The following SPRED2 variants were observed in gnomAD, a reference collection of about 807,000 sequenced individuals.
The protein encoded by SPRED2 is sprouty-related, EVH1 domain-containing protein 2.
A neutral mutation model predicts 43.0 loss-of-function variants in SPRED2; 47 were observed. The ratio of observed to expected loss-of-function variants is 1.09; its 90% CI spans 0.87 to 1.40. SPRED2 has a LOEUF of 1.40. Ranked by LOEUF, SPRED2 falls within the 40% of genes most tolerant of loss-of-function variation. The pLI is 0.00. For missense variants in SPRED2, 561 were observed against 586.4 expected (o/e 0.96, Z 0.45); for synonymous variants, 225 against 225.7 (o/e 1.00, Z 0.03).
chr2:65,418,597 G>C (rs954373627), intron 1 of SPRED2, among the ~76,000 whole-genome samples: 2 of 150,218 alleles, frequency 1.3e-5, no homozygotes, highest in Non-Finnish European at 3.0e-5. Context: ...TTTGTTGCCC[G>C]GGCTGGAGCA....
chr2:65,381,585 A>G (rs1046349900), intron 1 of SPRED2, among the ~76,000 whole-genome samples: 2 of 152,216 alleles, frequency 1.3e-5, no homozygotes, highest in Admixed American at 1.3e-4. Flanking sequence ...AGCCCTTAAT[A>G]CATGTTGACA....
chr2:65,348,072 C>T (rs1394856968), intron 1 of SPRED2, among the ~76,000 whole-genome samples: 1 of 152,180 alleles, frequency 6.6e-6, no homozygotes, highest in Non-Finnish European at 1.5e-5. Flanking sequence ...TACCCTATTA[C>T]TCTCCTTGCT....
intron 1 of SPRED2, among the ~76,000 whole-genome samples, chr2:65,362,581 T>C (rs1407260449): frequency 2.6e-5 from 4 of 152,046 alleles, no homozygotes; most frequent in East Asian, 3.9e-4. Flanking sequence ...TCACCTGTTA[T>C]GAAGAAACCT....
intron 1 of SPRED2, among the ~76,000 whole-genome samples, chr2:65,347,088 C>T (rs1008997402): frequency 6.6e-6 from 1 of 152,108 alleles, no homozygotes; most frequent in African/African-American, 2.4e-5. Flanking sequence ...GCATCCTGCT[C>T]TCCGACCACC....
At chr2:65,322,573 G>A (rs555208060) in intron 4 of SPRED2, among the ~76,000 whole-genome samples, 3 of 152,002 alleles carry the variant, frequency 2.0e-5, no homozygotes, top group Non-Finnish European at 2.9e-5. Context: ...GATTACAGGC[G>A]TGAGCCACCG....
intron 1 of SPRED2, among the ~76,000 whole-genome samples, chr2:65,397,695 C>T (rs1444180562): frequency 2.0e-5 from 3 of 151,716 alleles, no homozygotes; most frequent in Non-Finnish European, 4.4e-5. Context: ...AATAGATTGC[C>T]CACTTCCTGA....
chr2:65,397,888 T>A (rs1675795262), intron 1 of SPRED2, among the ~76,000 whole-genome samples: 1 of 151,454 alleles, frequency 6.6e-6, no homozygotes, highest in Admixed American at 6.6e-5. Context: ...GAAAAAAAAA[T>A]CCTAAAATTC....
intron 2 of SPRED2, among the ~76,000 whole-genome samples, chr2:65,342,305 C>T (rs995740225): frequency 1.4e-4 from 18 of 130,094 alleles, no homozygotes; most frequent in African/African-American, 4.3e-4. Context: ...ATTTTGTATA[C>T]GTATATTATG....
intron 1 of SPRED2, among the ~76,000 whole-genome samples, chr2:65,354,151 T>A (rs1674583138): frequency 6.6e-6 from 1 of 152,200 alleles, no homozygotes; most frequent in African/African-American, 2.4e-5. Flanking sequence ...CAATTAGGGA[T>A]CCTCTGACAT....
chr2:65,347,758 T>C (rs765492797), intron 1 of SPRED2, among the ~76,000 whole-genome samples: 1 of 152,122 alleles, frequency 6.6e-6, no homozygotes, highest in Non-Finnish European at 1.5e-5. Context: ...GGTCTCTACA[T>C]AGGCATCGAA....
At chr2:65,380,630 G>A (rs940864171) in intron 1 of SPRED2, 1 of 152,144 alleles carries the variant, frequency 6.6e-6, no homozygotes, top group Non-Finnish European at 1.5e-5. Context: ...ACTTACTAGT[G>A]CCAAGTATGG....
chr2:65,344,318 C>T (rs1674276270), intron 2 of SPRED2: 1 of 268,932 alleles, frequency 3.7e-6, no homozygotes, highest in South Asian at 3.8e-5. Context: ...TTACCTGCCA[C>T]CATCCAAACC....
At chr2:65,344,059 C>T (rs1257951099) in intron 2 of SPRED2, 3 of 152,364 alleles carry the variant, frequency 2.0e-5, no homozygotes, top group Non-Finnish European at 4.3e-5. Flanking sequence ...ATTGCTTGAA[C>T]CTGGGAGGTG....
chr2:65,343,460 AAAG>A (rs1278250495), intron 2 of SPRED2, among the ~76,000 whole-genome samples: 3 of 152,328 alleles, frequency 2.0e-5, no homozygotes, highest in Non-Finnish European at 2.9e-5. Context: ...AGTGCTTGCA[AAAG>A]AAGGTTAAAT....
chr2:65,377,360 G>T (rs1476346498), intron 1 of SPRED2, among the ~76,000 whole-genome samples: 1 of 152,182 alleles, frequency 6.6e-6, no homozygotes, highest in African/African-American at 2.4e-5. Flanking sequence ...GTTGGGTCAG[G>T]ATAATGAATG....
intron 1 of SPRED2, among the ~76,000 whole-genome samples, chr2:65,352,535 T>C (rs557819387): frequency 1.3e-5 from 2 of 152,386 alleles, no homozygotes; most frequent in Admixed American, 1.3e-4. Context: ...CAGTCTTCAC[T>C]GTGTCCCTGC....
chr2:65,326,739 A>C (rs559719735), intron 4 of SPRED2, among the ~76,000 whole-genome samples: 41 of 152,346 alleles, frequency 2.7e-4, no homozygotes, highest in African/African-American at 9.1e-4. Context: ...CCTGGGCTCA[A>C]GTGATCTTCC....
intron 1 of SPRED2, among the ~76,000 whole-genome samples, chr2:65,402,409 G>A (rs890654356): frequency 1.3e-5 from 2 of 152,148 alleles, no homozygotes; most frequent in Non-Finnish European, 2.9e-5. Context: ...CACTGTAGGG[G>A]ATGAGAAGTT....
chr2:65,322,572 C>T (rs774862571), intron 4 of SPRED2, among the ~76,000 whole-genome samples: 5 of 152,046 alleles, frequency 3.3e-5, no homozygotes, highest in Non-Finnish European at 7.4e-5. Flanking sequence ...GGATTACAGG[C>T]GTGAGCCACC....
Sources: allele counts gnomAD v4.1 joint callset (sites outside exome capture counted in the v4.1 genomes callset), GRCh38; gene constraint gnomAD v4.1.1; transcripts MANE v1.5; gene names NCBI Gene and HGNC (gene_info 2026-07-23, HGNC 2026-07-21).